Variants in LRRC4C observed in about 807,000 individuals in gnomAD.
LRRC4C encodes leucine rich repeat containing 4C.
LRRC4C carries 5 observed loss-of-function variants against 33.6 expected under a neutral mutation model. That is an observed-to-expected ratio of 0.15 (90% CI 0.08 to 0.31). The LOEUF (loss-of-function observed/expected upper bound fraction) is 0.31. Among genes scored for constraint, LRRC4C ranks in the 10% least tolerant of loss-of-function variants. The pLI, the probability that LRRC4C is intolerant of heterozygous loss-of-function variation, is 1.00. For missense variants in LRRC4C, 560 were observed against 796.7 expected (o/e 0.70, Z 3.58); for synonymous variants, 329 against 302.0 (o/e 1.09, Z -0.93).
At chr11:40,949,880 T>G (rs1264185012) in intron 1 of LRRC4C, among the ~76,000 whole-genome samples, 3 of 152,044 alleles carry the variant, frequency 2.0e-5, no homozygotes, top group Non-Finnish European at 4.4e-5. Context: ...TAACTTTAAA[T>G]GTAAAGGGAC....
chr11:41,303,414 A>T (rs1422780071), intron 1 of LRRC4C, among the ~76,000 whole-genome samples: 2 of 130,082 alleles, frequency 1.5e-5, no homozygotes, highest in Non-Finnish European at 3.3e-5. Flanking sequence ...GCTGGAGTGC[A>T]GGGGCGTGAT....
At chr11:40,844,879 T>A (rs1189145650) in intron 2 of LRRC4C, among the ~76,000 whole-genome samples, 2 of 152,148 alleles carry the variant, frequency 1.3e-5, no homozygotes, top group Non-Finnish European at 2.9e-5. Flanking sequence ...TAAGGATATG[T>A]GATAATGTAT....
At chr11:40,899,822 C>T (rs1190016946) in intron 2 of LRRC4C, among the ~76,000 whole-genome samples, 1 of 152,166 alleles carries the variant, frequency 6.6e-6, no homozygotes, top group Non-Finnish European at 1.5e-5. Flanking sequence ...ATGATATCCA[C>T]TTCTCACGCT....
At chr11:40,188,954 TTTCA>T (rs1167988190) in intron 5 of LRRC4C, among the ~76,000 whole-genome samples, 1 of 152,204 alleles carries the variant, frequency 6.6e-6, no homozygotes, top group South Asian at 2.1e-4. Flanking sequence ...TCATGGAGGC[TTTCA>T]TTCAATCTCT....
intron 5 of LRRC4C, among the ~76,000 whole-genome samples, chr11:40,240,367 T>C (rs1456518453): frequency 6.6e-6 from 1 of 152,184 alleles, no homozygotes; most frequent in Non-Finnish European, 1.5e-5. Context: ...CCTCCATGTC[T>C]AATGGTTTGA....
chr11:41,044,220 T>C (rs1205147350), intron 1 of LRRC4C, among the ~76,000 whole-genome samples: 1 of 152,002 alleles, frequency 6.6e-6, no homozygotes. Context: ...TCTAGTAACA[T>C]GAAAAAGAAT....
intron 1 of LRRC4C, among the ~76,000 whole-genome samples, chr11:41,399,803 C>T (rs996673696): frequency 2.6e-5 from 4 of 151,884 alleles, no homozygotes; most frequent in Admixed American, 6.6e-5. Flanking sequence ...TTTGCATCAA[C>T]TAAAGATTTG....
Position 40,396,511 on chromosome 11 carries a change from G to A in LRRC4C, c.-269-76790C>T, listed in dbSNP as rs1317363142. ...TAATTACTCAAACTGAAAATGTTTGGAGTGGATAAGAGAGAGTGATGGAGA... is the reference window on the plus strand; with the variant it reads ...TAATTACTCAAACTGAAAATGTTTGAAGTGGATAAGAGAGAGTGATGGAGA... On this transcript the variant is annotated intron_variant, in intron 3 of 6. Coordinates refer to ENST00000528697, the MANE Select transcript of LRRC4C (RefSeq NM_001258419.2). Among the ~76,000 whole-genome samples, 3 of 152,074 alleles carry A rather than the reference G, an allele frequency of 2.0e-5. No individual in the cohort carries two copies. In the East Asian group the frequency reaches 5.8e-4, roughly 29 times the overall value.
At chr11:40,555,081 A>G (rs1957282968) in intron 3 of LRRC4C, among the ~76,000 whole-genome samples, 1 of 152,186 alleles carries the variant, frequency 6.6e-6, no homozygotes, top group South Asian at 2.1e-4. Context: ...CAGAAATGCT[A>G]CGATTTTATA....
At chr11:40,779,499 T>C (rs1950135571) in intron 2 of LRRC4C, among the ~76,000 whole-genome samples, 1 of 152,240 alleles carries the variant, frequency 6.6e-6, no homozygotes, top group Non-Finnish European at 1.5e-5. Context: ...TTAATATATG[T>C]GCTCATTTCT....
At chr11:41,083,943 A>G (rs1281935682) in intron 1 of LRRC4C, among the ~76,000 whole-genome samples, 2 of 152,248 alleles carry the variant, frequency 1.3e-5, no homozygotes, top group East Asian at 1.9e-4. Flanking sequence ...GATATTTGCA[A>G]GATTGTAAAC....
At chr11:41,282,435 A>G (rs1329187463) in intron 1 of LRRC4C, among the ~76,000 whole-genome samples, 2 of 152,200 alleles carry the variant, frequency 1.3e-5, no homozygotes, top group Non-Finnish European at 2.9e-5. Flanking sequence ...TGTAGTTTTG[A>G]TTTAAAGTTT....
intron 2 of LRRC4C, among the ~76,000 whole-genome samples, chr11:40,915,316 C>A (rs1956903036): frequency 6.6e-6 from 1 of 152,066 alleles, no homozygotes; most frequent in South Asian, 2.1e-4. Context: ...CTACAGTAAC[C>A]AAAACAGCAT....
chr11:41,120,729 T>C (rs1456505079), intron 1 of LRRC4C, among the ~76,000 whole-genome samples: 2 of 152,204 alleles, frequency 1.3e-5, no homozygotes, highest in Non-Finnish European at 2.9e-5. Context: ...GATATGGTTC[T>C]GTGTCCCTAT....
At chr11:40,993,740 A>G (rs1853761673) in intron 1 of LRRC4C, among the ~76,000 whole-genome samples, 1 of 152,204 alleles carries the variant, frequency 6.6e-6, no homozygotes, top group Non-Finnish European at 1.5e-5. Flanking sequence ...AGAGACAAAA[A>G]GATAGAAAGT....
At chr11:40,463,837 G>T (rs995714340) in intron 3 of LRRC4C, among the ~76,000 whole-genome samples, 1 of 151,962 alleles carries the variant, frequency 6.6e-6, no homozygotes, top group Non-Finnish European at 1.5e-5. Flanking sequence ...AACTTACTTG[G>T]CTGTATAATC....
intron 4 of LRRC4C, among the ~76,000 whole-genome samples, chr11:40,252,246 A>G (rs1320114302): frequency 6.6e-6 from 1 of 151,898 alleles, no homozygotes; most frequent in African/African-American, 2.4e-5. Flanking sequence ...CCTAACTCAC[A>G]CACACCACGA....
chr11:41,295,822 T>A (rs1297703244), intron 1 of LRRC4C, among the ~76,000 whole-genome samples: 3 of 152,244 alleles, frequency 2.0e-5, no homozygotes, highest in African/African-American at 7.2e-5. Context: ...GGCTTGGGAT[T>A]GACTGGATTG....
chr11:40,208,921 C>T (rs980105359), intron 5 of LRRC4C, among the ~76,000 whole-genome samples: 3 of 150,008 alleles, frequency 2.0e-5, no homozygotes, highest in African/African-American at 7.3e-5. Flanking sequence ...CAGTCAAATG[C>T]TCCAAATCAG....
Sources: gnomAD v4.1 joint callset for allele counts (sites outside exome capture counted in the v4.1 genomes callset) on GRCh38, gnomAD v4.1.1 for gene constraint, MANE v1.5 for transcripts, NCBI Gene and HGNC (gene_info 2026-07-23, HGNC 2026-07-21) for gene names.